The following PLPP4 variants were observed in gnomAD, a reference collection of about 807,000 sequenced individuals.
PLPP4 encodes diacylglycerol pyrophosphate like 2.
PLPP4 carries 20 observed loss-of-function variants against 32.2 expected under a neutral mutation model. That is an observed-to-expected ratio of 0.62 (90% CI 0.44 to 0.90). PLPP4 has a LOEUF of 0.90. Ranked by LOEUF, PLPP4 falls within the 40% of genes least tolerant of loss-of-function variation. The pLI is 0.00. For synonymous variants in PLPP4, 127 were observed against 133.0 expected (o/e 0.95, Z 0.31); for missense variants, 257 against 353.1 (o/e 0.73, Z 2.18).
chr10:120,517,664 C>G (rs1233898090), intron 3 of PLPP4, among the ~76,000 whole-genome samples: 1 of 152,190 alleles, frequency 6.6e-6, no homozygotes, highest in Non-Finnish European at 1.5e-5. Context: ...TTCCCTTTGA[C>G]AAAGATGTTC....
At chr10:120,515,787 G>T (rs1165513573) in intron 3 of PLPP4, among the ~76,000 whole-genome samples, 1 of 152,190 alleles carries the variant, frequency 6.6e-6, no homozygotes, top group Non-Finnish European at 1.5e-5. Flanking sequence ...AGTTCATTTG[G>T]AAATCCCTTT....
intron 1 of PLPP4, among the ~76,000 whole-genome samples, chr10:120,496,638 A>G (rs147720112): frequency 4.9e-4 from 75 of 152,342 alleles, no homozygotes; most frequent in Middle Eastern, 3.4e-3. Context: ...TGTAATCTCC[A>G]TAAGAGTTGG....
intron 2 of PLPP4, among the ~76,000 whole-genome samples, chr10:120,508,933 C>T (rs559710250): frequency 5.9e-5 from 9 of 152,266 alleles, no homozygotes; most frequent in East Asian, 1.9e-4. Flanking sequence ...CAGCATTTGC[C>T]GGATGCTAGC....
At chr10:120,565,238 T>C (rs1038235343) in intron 5 of PLPP4, among the ~76,000 whole-genome samples, 3 of 152,106 alleles carry the variant, frequency 2.0e-5, no homozygotes, top group Non-Finnish European at 4.4e-5. Context: ...TATCTTTGCT[T>C]AGCATTCCCT....
At chr10:120,531,873 T>TAC (rs145252286) in intron 5 of PLPP4, among the ~76,000 whole-genome samples, 41,347 of 147,844 alleles carry the variant, frequency 0.28, 5,656 homozygotes, top group South Asian at 0.38. Context: ...CTACACACAC[T>TAC]ACACACACAC....
intron 5 of PLPP4, among the ~76,000 whole-genome samples, chr10:120,539,633 C>T (rs1847241427): frequency 5.3e-4 from 3 of 5,630 alleles, no homozygotes. Context: ...TACCTCAAGC[C>T]TTTTATTATT....
At chr10:120,560,617 C>A (rs1382231418) in intron 5 of PLPP4, among the ~76,000 whole-genome samples, 4 of 151,926 alleles carry the variant, frequency 2.6e-5, no homozygotes, top group African/African-American at 4.8e-5. Flanking sequence ...TAGCTGGATA[C>A]CGTGGTGTGC....
At position 120,503,924 on chromosome 10, in the gene PLPP4, T is replaced by C. The variant is rs775507994; in HGVS notation, c.163T>C (p.Phe55Leu). Residue 55 changes from phenylalanine (F) to leucine (L), a missense_variant and splice_region_variant, in exon 2 of 7, where the codon TTT (phenylalanine) becomes CTT (leucine). Transcript: ENST00000398250. Reference sequence around the variant, plus strand: ...AGATAACATACCTACCCGCCTCATGTTTGTAAGTACCATGATTTCATTCCT... The same window carrying C: ...AGATAACATACCTACCCGCCTCATGCTTGTAAGTACCATGATTTCATTCCT... ...QSDNIPTRLM[F>L]AISFLTPLAV... is the part of the protein sequence containing the mutation. The C allele has an allele frequency of 3.2e-6, 5 of 1,575,264 alleles. No individual in the cohort carries two copies. Among genetic ancestry groups the C allele is most frequent in the Non-Finnish European group, 4.4e-6 (5 of 1,144,862 alleles).
At chr10:120,542,193 A>G (rs978855) in intron 5 of PLPP4, among the ~76,000 whole-genome samples, 7,998 of 152,250 alleles carry the variant, frequency 0.053, 296 homozygotes, top group Middle Eastern at 0.14. Context: ...TAGTGGTTGC[A>G]CCCATACCGA....
chr10:120,507,705 G>A (rs1449908190), intron 2 of PLPP4, among the ~76,000 whole-genome samples: 1 of 152,188 alleles, frequency 6.6e-6, no homozygotes, highest in African/African-American at 2.4e-5. Context: ...GTGAGCCTGT[G>A]TGGGTCCTGT....
At chr10:120,466,981 C>T (rs1425594861) in intron 1 of PLPP4, among the ~76,000 whole-genome samples, 1 of 151,884 alleles carries the variant, frequency 6.6e-6, no homozygotes, top group Non-Finnish European at 1.5e-5. Context: ...CTCAAAAGTG[C>T]AGCAAAGAGC....
At chr10:120,524,417 G>A (rs1010961770) in intron 5 of PLPP4, among the ~76,000 whole-genome samples, 1 of 152,144 alleles carries the variant, frequency 6.6e-6, no homozygotes, top group Non-Finnish European at 1.5e-5. Context: ...GGGAGTTCTG[G>A]ACTGAGGGAT....
intron 1 of PLPP4, among the ~76,000 whole-genome samples, chr10:120,460,537 A>G (rs900452523): frequency 1.3e-5 from 2 of 152,188 alleles, no homozygotes; most frequent in Admixed American, 1.3e-4. Context: ...TCAGGCACCA[A>G]TGAAGACTAT....
chr10:120,467,385 C>A lies in PLPP4; in HGVS notation c.56+10024C>A, dbSNP rs182607603. Reference sequence around the variant, plus strand: ...GATTACAGGCGTGAGCCACCGCGCCCGGCCTGTGTAGGTATATTTTAATTG... The same window carrying A: ...GATTACAGGCGTGAGCCACCGCGCCAGGCCTGTGTAGGTATATTTTAATTG... On this transcript the variant is annotated intron_variant, in intron 1 of 6. Coordinates refer to ENST00000398250, the MANE Select transcript of PLPP4 (RefSeq NM_001030059.3). 5.3e-4 allele frequency among the ~76,000 whole-genome samples: 34 copies of A among 64,474 alleles called. 14 individuals are homozygous for A. Among genetic ancestry groups the A allele is most frequent in the African/African-American group, 1.1e-3 (34 of 30,238 alleles). 42.3% of individuals were successfully genotyped at this position (64,474 alleles called of 152,430 possible).
chr10:120,562,403 G>C (rs532254252), intron 5 of PLPP4, among the ~76,000 whole-genome samples: 1 of 151,606 alleles, frequency 6.6e-6, no homozygotes, highest in African/African-American at 2.4e-5. Context: ...CATTTTTTTC[G>C]TTTCTAATTC....
At chr10:120,566,816 A>G (rs1212290320) in intron 5 of PLPP4, among the ~76,000 whole-genome samples, 1 of 152,104 alleles carries the variant, frequency 6.6e-6, no homozygotes, top group Non-Finnish European at 1.5e-5. Flanking sequence ...CAGCCTCCCA[A>G]AGTGCTGGGA....
intron 6 of PLPP4, among the ~76,000 whole-genome samples, chr10:120,580,104 A>G: frequency 7.8e-6 from 1 of 128,864 alleles, no homozygotes; most frequent in Non-Finnish European, 1.6e-5. Context: ...TGCGCGACAG[A>G]GCGAGACTCT....
At chr10:120,514,808 T>G (rs942847971) in intron 3 of PLPP4, among the ~76,000 whole-genome samples, 13 of 152,194 alleles carry the variant, frequency 8.5e-5, no homozygotes, top group Non-Finnish European at 1.8e-4. Context: ...TTTCTTTTTT[T>G]GACACGTCAC....
In PLPP4 at chr10:120,592,041, A is replaced by G. The variant is rs1850006360; in HGVS notation, c.*2539A>G. On this transcript the variant is annotated 3_prime_UTR_variant, in exon 7 of 7. Coordinates refer to ENST00000398250, the MANE Select transcript of PLPP4 (RefSeq NM_001030059.3). ...TGAAGTAAATATAACATCACAGTGT[A>G]CCAATTAAATGGCCATAATGAGAAC... 6.6e-6 allele frequency among the ~76,000 whole-genome samples: 1 copy of G among 152,312 alleles called. No homozygotes were observed. The highest frequency in any genetic ancestry group is 2.1e-4 in the South Asian group (1 of 4,824).
Sources: gnomAD v4.1 joint callset for allele counts (sites outside exome capture counted in the v4.1 genomes callset) on GRCh38, gnomAD v4.1.1 for gene constraint, MANE v1.5 for transcripts, NCBI Gene and HGNC (gene_info 2026-07-23, HGNC 2026-07-21) for gene names.